The following PBLD variants were observed in gnomAD, a reference collection of about 807,000 sequenced individuals.
PBLD encodes the protein phenazine biosynthesis-like domain-containing protein.
Under a neutral mutation model 31.3 loss-of-function variants are expected in PBLD, and 26 were observed. The observed-to-expected ratio is 0.83, with a 90% CI of 0.61 to 1.15. PBLD has a LOEUF of 1.15. Among genes scored for constraint, PBLD ranks in the 50% most tolerant of loss-of-function variants. The pLI, the probability that PBLD is intolerant of heterozygous loss-of-function variation, is 0.00. For missense variants in PBLD, 307 were observed against 351.7 expected, an observed-to-expected ratio of 0.87 and a Z score of 1.02; for synonymous variants, 114 against 129.0, an observed-to-expected ratio of 0.88 and a Z score of 0.79.
At chr10:68,289,558 AC>A (rs1468440851) in intron 6 of PBLD, among the ~76,000 whole-genome samples, 10 of 152,038 alleles carry the variant, frequency 6.6e-5, no homozygotes, top group Non-Finnish European at 1.3e-4. Context: ...AAGAAAAAAA[AC>A]ATAGGCATTC....
chr10:68,294,295 G>A (rs1185806096), intron 4 of PBLD, among the ~76,000 whole-genome samples: 1 of 152,060 alleles, frequency 6.6e-6, no homozygotes, highest in African/African-American at 2.4e-5. Flanking sequence ...CCCTTCTCTG[G>A]TGGGTGCTGA....
chr10:68,296,566 C>T (rs11816028), intron 3 of PBLD, among the ~76,000 whole-genome samples: 19,059 of 152,272 alleles, frequency 0.13, 1,631 homozygotes, highest in South Asian at 0.25. Flanking sequence ...TTCACCAAAA[C>T]CCCCTTCCCC....
chr10:68,308,569 G>C (rs1249108121), intron 1 of PBLD, among the ~76,000 whole-genome samples: 1 of 140,092 alleles, frequency 7.1e-6, no homozygotes, highest in African/African-American at 2.7e-5. Flanking sequence ...TCTTTTTGGA[G>C]ACAGAGTCTT....
rs762218668 is a variant in PBLD at position 68,296,218 on chromosome 10, A to C, written c.283+48T>G. On this transcript the variant is annotated intron_variant, in intron 4 of 9. Transcript: ENST00000358769. ...AAGTGTGTGTGAGAACTTAAAAAAA[A>C]AAAAGCCATTTGCTAAGTGTTAGAT... 8.4e-6 allele frequency: 12 copies of C among 1,431,204 alleles called. No homozygotes were observed. The Admixed American group carries it at 2.3e-4, about 27-fold the overall frequency. The allele number at this position is 1,431,204 out of a possible 1,614,324, so 88.7% of individuals were successfully genotyped here. A position where few individuals can be genotyped will look rare whatever the true frequency, so the allele number is the denominator to read the frequency against.
intron 2 of PBLD, among the ~76,000 whole-genome samples, chr10:68,301,055 C>T (rs944400431): frequency 6.6e-6 from 1 of 152,072 alleles, no homozygotes; most frequent in Non-Finnish European, 1.5e-5. Context: ...TGCCACCATA[C>T]CCGGCTGATT....
chr10:68,295,079 G>T (rs1017601095), intron 4 of PBLD, among the ~76,000 whole-genome samples: 1 of 152,114 alleles, frequency 6.6e-6, no homozygotes, highest in Non-Finnish European at 1.5e-5. Context: ...ACAAGGCCCT[G>T]ATCTTTGTCC....
rs557855722 is a variant in PBLD at position 68,317,950 on chromosome 10, G to C, written c.-59-11047C>G. Among the ~76,000 whole-genome samples, 4 of 151,382 alleles carry C rather than the reference G, an allele frequency of 2.6e-5. No homozygotes were observed. In the East Asian group the frequency reaches 7.9e-4, roughly 30 times the overall value. The stretch of plus-strand genomic sequence containing the variant: ...CACAATAAAAAAATAAAGTAAGGCC[G>C]GGCACGGTGGCTCACGCCTGTAATC... On this transcript the variant is annotated intron_variant, in intron 1 of 9. Coordinates refer to ENST00000358769, the MANE Select transcript of PBLD (RefSeq NM_022129.4).
At chr10:68,312,992 G>A (rs2044691153) in intron 1 of PBLD, among the ~76,000 whole-genome samples, 3 of 151,932 alleles carry the variant, frequency 2.0e-5, no homozygotes, top group Admixed American at 6.6e-5. Flanking sequence ...ACAGTTCACT[G>A]CAGCCTCGAC....
chr10:68,308,035 A>G (rs2134481341), intron 1 of PBLD, among the ~76,000 whole-genome samples: 1 of 152,260 alleles, frequency 6.6e-6, no homozygotes, highest in Admixed American at 6.5e-5. Context: ...TTAACAGTAA[A>G]TTGGCCCTCT....
At chr10:68,305,142 T>G (rs2044558307) in intron 2 of PBLD, among the ~76,000 whole-genome samples, 1 of 151,980 alleles carries the variant, frequency 6.6e-6, no homozygotes, top group Non-Finnish European at 1.5e-5. Flanking sequence ...GGAGAATCAC[T>G]TGAATCCAGG....
At chr10:68,306,536 C>T (rs1358643400) in intron 2 of PBLD, among the ~76,000 whole-genome samples, 1 of 152,158 alleles carries the variant, frequency 6.6e-6, no homozygotes, top group African/African-American at 2.4e-5. Context: ...GGCTCTAGTT[C>T]CTCTTTATCT....
intron 1 of PBLD, among the ~76,000 whole-genome samples, chr10:68,328,439 C>T (rs2044958959): frequency 1.3e-5 from 2 of 152,100 alleles, no homozygotes; most frequent in African/African-American, 4.8e-5. Flanking sequence ...TCCTCTTCAT[C>T]CTGATGGTGT....
At chr10:68,286,085 C>CTTTTTTTTTTTT (rs71009034) in intron 8 of PBLD, among the ~76,000 whole-genome samples, 14 of 103,420 alleles carry the variant, frequency 1.4e-4, no homozygotes, top group South Asian at 3.4e-4. Flanking sequence ...TTGAATAATT[C>CTTTTTTTTTTTT]TTTTTTTTTT....
At chr10:68,325,671 C>T (rs766969228) in intron 1 of PBLD, among the ~76,000 whole-genome samples, 4 of 152,210 alleles carry the variant, frequency 2.6e-5, no homozygotes, top group African/African-American at 4.8e-5. Flanking sequence ...TTCCTACCTA[C>T]TTCCTTATTT....
intron 1 of PBLD, among the ~76,000 whole-genome samples, chr10:68,312,258 A>C (rs947434129): frequency 1.2e-4 from 19 of 152,200 alleles, no homozygotes; most frequent in African/African-American, 4.1e-4. Flanking sequence ...AGGCATCTCC[A>C]TTCTGTTTTC....
chr10:68,323,338 G>T (rs2044864063), intron 1 of PBLD, among the ~76,000 whole-genome samples: 1 of 152,058 alleles, frequency 6.6e-6, no homozygotes, highest in South Asian at 2.1e-4. Context: ...AAAGTGGGTG[G>T]ATCACATGAA....
chr10:68,330,709 C>CGTGTGTGTGT (rs56166847), intron 1 of PBLD, among the ~76,000 whole-genome samples: 322 of 142,902 alleles, frequency 2.3e-3, no homozygotes, highest in African/African-American at 3.2e-3. Flanking sequence ...CCACGCCCGG[C>CGTGTGTGTGT]GTGTGTGTGT....
At position 68,317,857 on chromosome 10, in the gene PBLD, T is replaced by C. The variant is rs1426283533; in HGVS notation, c.-59-10954A>G. Among the ~76,000 whole-genome samples the C allele has an allele frequency of 5.3e-5, 8 of 152,100 alleles. No homozygotes were observed. The East Asian group carries it at 1.5e-3, about 29-fold the overall frequency. ...GATTTGTTGCACAATGATATGAATA[T>C]ACTTATTACTATTGAGCTTAACTTC... On this transcript the variant is annotated intron_variant, in intron 1 of 9. Coordinates refer to ENST00000358769, the MANE Select transcript of PBLD (RefSeq NM_022129.4).
intron 2 of PBLD, among the ~76,000 whole-genome samples, chr10:68,304,564 TAGAA>T (rs1331897670): frequency 6.6e-6 from 1 of 151,944 alleles, no homozygotes; most frequent in African/African-American, 2.4e-5. Context: ...GAGAGATAGG[TAGAA>T]AGAGAGAGAA....
Sources: allele counts gnomAD v4.1 joint callset (sites outside exome capture counted in the v4.1 genomes callset), GRCh38; gene constraint gnomAD v4.1.1; transcripts MANE v1.5; gene names NCBI Gene and HGNC (gene_info 2026-07-23, HGNC 2026-07-21).